TEK: variants seen among roughly 807,000 people sequenced by gnomAD.
The protein encoded by TEK is angiopoietin-1 receptor.
A neutral mutation model predicts 131.8 loss-of-function variants in TEK; 43 were observed. The ratio of observed to expected loss-of-function variants is 0.33; its 90% CI spans 0.26 to 0.42. The LOEUF (loss-of-function observed/expected upper bound fraction) is 0.42, where lower values mean the gene tolerates loss of function less well. Ranked by LOEUF, TEK falls within the 10% of genes least tolerant of loss-of-function variation. TEK has a pLI of 1.00. For missense variants in TEK, 1,162 were observed against 1,384.4 expected (o/e 0.84, Z 2.55); for synonymous variants, 580 against 491.6 (o/e 1.18, Z -2.38).
chr9:27,206,773 T>C lies in TEK; in HGVS notation c.2556T>C (p.Ala852=). Residue 852 remains alanine, a synonymous_variant, in exon 15 of 23, where the codon GCT becomes GCC. Coordinates refer to ENST00000380036, the MANE Select transcript of TEK (RefSeq NM_000459.5). ...RIKKDGLRMD[A]AIKRMKEYAS... ...AGAAGGATGGGTTACGGATGGATGCTGCCATCAAAAGAATGAAAGGTCAGT... is the reference window on the plus strand; with the variant it reads ...AGAAGGATGGGTTACGGATGGATGCCGCCATCAAAAGAATGAAAGGTCAGT... 6.2e-7 allele frequency: 1 copy of C among 1,614,040 alleles called. No individual in the cohort carries two copies. Among genetic ancestry groups the C allele is most frequent in the Non-Finnish European group, 8.5e-7 (1 of 1,179,954 alleles).
chr9:27,188,481 G>A (rs895399908), intron 9 of TEK, among the ~76,000 whole-genome samples: 7 of 152,170 alleles, frequency 4.6e-5, no homozygotes, highest in Non-Finnish European at 1.5e-5. Flanking sequence ...AATAAAATGT[G>A]CATCTGCTGG....
intron 1 of TEK, among the ~76,000 whole-genome samples, chr9:27,117,906 A>G (rs1174081739): frequency 1.3e-5 from 2 of 152,178 alleles, no homozygotes; most frequent in South Asian, 2.1e-4. Context: ...CTGGAAGACA[A>G]TGCTCGGCCA....
At chr9:27,198,852 G>A (rs1469168268) in intron 12 of TEK, among the ~76,000 whole-genome samples, 1 of 152,246 alleles carries the variant, frequency 6.6e-6, no homozygotes, top group Non-Finnish European at 1.5e-5. Flanking sequence ...AGGCTGGTGA[G>A]CAGTGGTGCC....
intron 10 of TEK, 72 bp from the exon 11 acceptor site, chr9:27,192,417 A>T: frequency 6.3e-7 from 1 of 1,593,868 alleles, no homozygotes; most frequent in South Asian, 1.1e-5. Context: ...TCACATCGCA[A>T]TAACAACAAC....
At chr9:27,153,884 G>T (rs994836609) in intron 1 of TEK, among the ~76,000 whole-genome samples, 1 of 152,150 alleles carries the variant, frequency 6.6e-6, no homozygotes, top group Admixed American at 6.5e-5. Context: ...TCGTTGTCGT[G>T]GAGCCTCTGC....
chr9:27,183,675 C>G, intron 8 of TEK, 65 bp downstream of exon 8: 1 of 1,584,564 alleles, frequency 6.3e-7, no homozygotes, highest in Non-Finnish European at 8.7e-7. Flanking sequence ...AATCACCCCA[C>G]TAAATGATAG....
intron 1 of TEK, among the ~76,000 whole-genome samples, chr9:27,122,390 G>A (rs1821825931): frequency 1.3e-5 from 2 of 152,126 alleles, no homozygotes; most frequent in Admixed American, 6.5e-5. Flanking sequence ...TGAGGAGGAG[G>A]GGCATTCTAG....
chr9:27,138,220 T>A (rs146873767), intron 1 of TEK, among the ~76,000 whole-genome samples: 1 of 152,192 alleles, frequency 6.6e-6, no homozygotes, highest in East Asian at 1.9e-4. Context: ...TTCCACAGTG[T>A]GGAAGGGGAT....
chr9:27,186,919 G>C (rs992385293), intron 9 of TEK, among the ~76,000 whole-genome samples: 2 of 152,128 alleles, frequency 1.3e-5, no homozygotes, highest in Admixed American at 1.3e-4. Context: ...AACCACCTCA[G>C]AATCCTCCTT....
rs1161845170 is a variant in TEK, at chr9:27,197,190, T to A, written c.1625-125T>A. 20 of 1,005,808 alleles carry A rather than the reference T, an allele frequency of 2.0e-5. No individual in the cohort carries two copies. The East Asian group carries it at 4.8e-4, about 24-fold the overall frequency. 62.3% of individuals were successfully genotyped at this position (1,005,808 alleles called of 1,614,324 possible). ...ATGGGAAGTCACACTCATCAACCAA[T>A]CACCTCCCACCAGGCCCCACCTCCA... On this transcript the variant is annotated intron_variant, in intron 11 of 22. Transcript: ENST00000380036.
At chr9:27,139,895 G>T (rs145293334) in intron 1 of TEK, among the ~76,000 whole-genome samples, 242 of 152,244 alleles carry the variant, frequency 1.6e-3, no homozygotes, top group African/African-American at 5.3e-3. Flanking sequence ...TGAAATAATT[G>T]TGTATGATTT....
rs1264669342 is a variant in TEK at position 27,199,502 on chromosome 9, A to G, written c.1909+1903A>G. Among the ~76,000 whole-genome samples the G allele has an allele frequency of 1.4e-4, 21 of 152,260 alleles. No homozygotes were observed. The East Asian group carries it at 3.3e-3, about 24-fold the overall frequency. On this transcript the variant is annotated intron_variant, in intron 12 of 22. Transcript: ENST00000380036. ...TTTCCTTATACCCATCTCTATGTCT[A>G]TATCCTTTCCCTATATCACTCGATA... is the stretch of plus-strand genomic sequence containing the variant.
intron 15 of TEK, among the ~76,000 whole-genome samples, chr9:27,208,680 G>A (rs946160511): frequency 6.6e-6 from 1 of 152,206 alleles, no homozygotes; most frequent in Admixed American, 6.5e-5. Flanking sequence ...TTCCTCAGTT[G>A]TCTCTGGATG....
At position 27,109,433 on chromosome 9, in the gene TEK, T is replaced by A. The variant is rs1386240169; in HGVS notation, c.-158T>A. On this transcript the variant is annotated 5_prime_UTR_variant, in exon 1 of 23. Transcript: ENST00000380036. Reference sequence around the variant, plus strand: ...CTGTGCTCAGACAGAAATGAGACTGTTACAGCCTGCTTCTGTGCTGTTCCT... The same window carrying A: ...CTGTGCTCAGACAGAAATGAGACTGATACAGCCTGCTTCTGTGCTGTTCCT... The A allele has an allele frequency of 2.6e-6, 2 of 772,674 alleles. No individual in the cohort carries two copies. The highest frequency in any genetic ancestry group is 3.5e-5 in the African/African-American group (2 of 57,848). 47.9% of individuals were successfully genotyped at this position (772,674 alleles called of 1,614,324 possible).
intron 1 of TEK, among the ~76,000 whole-genome samples, chr9:27,150,938 C>T (rs1039854882): frequency 4.6e-5 from 7 of 152,104 alleles, no homozygotes; most frequent in Non-Finnish European, 7.4e-5. Flanking sequence ...GGCTGGAAAG[C>T]AGGGATGGGA....
chr9:27,172,472 A>G lies in TEK; in HGVS notation c.629-144A>G, dbSNP rs1481057761. ...TTTACATGTCTGTCTCCCATATTAGATGATGAGCTTTTAGAGAGCAGAGCC... is the reference window on the plus strand; with the variant it reads ...TTTACATGTCTGTCTCCCATATTAGGTGATGAGCTTTTAGAGAGCAGAGCC... On this transcript the variant is annotated intron_variant, in intron 4 of 22. Coordinates refer to ENST00000380036, the MANE Select transcript of TEK (RefSeq NM_000459.5). 1.0e-5 allele frequency: 12 copies of G among 1,162,410 alleles called. No homozygotes were observed. In the South Asian group the frequency reaches 1.1e-4, roughly 10 times the overall value. 72.0% of individuals were successfully genotyped at this position (1,162,410 alleles called of 1,614,324 possible). A position where few individuals can be genotyped will look rare whatever the true frequency, so the allele number is the denominator to read the frequency against.
At position 27,146,988 on chromosome 9, in the gene TEK, C is replaced by T. The variant is rs560433937; in HGVS notation, c.53-10843C>T. ...TTGTGATCTGCCCGCCTCGGCCTCC[C>T]AAAGTGCTGGGATTACAGGCGTGAG... On this transcript the variant is annotated intron_variant, in intron 1 of 22. Coordinates refer to ENST00000380036, the MANE Select transcript of TEK (RefSeq NM_000459.5). Among the ~76,000 whole-genome samples the T allele has an allele frequency of 5.9e-5, 9 of 152,248 alleles. No individual in the cohort carries two copies. In the South Asian group the frequency reaches 1.9e-3, roughly 32 times the overall value.
intron 21 of TEK, among the ~76,000 whole-genome samples, chr9:27,223,594 A>C (rs575221065): frequency 6.6e-6 from 1 of 152,334 alleles, no homozygotes; most frequent in African/African-American, 2.4e-5. Flanking sequence ...AACATACCAG[A>C]ATCTCTGGGA....
intron 15 of TEK, among the ~76,000 whole-genome samples, chr9:27,208,202 T>A (rs566375633): frequency 6.6e-6 from 1 of 152,242 alleles, no homozygotes; most frequent in East Asian, 1.9e-4. Flanking sequence ...ATATTGACCC[T>A]CCATGAGGCT....
Sources: gnomAD v4.1 joint callset for allele counts (sites outside exome capture counted in the v4.1 genomes callset) on GRCh38, gnomAD v4.1.1 for gene constraint, MANE v1.5 for transcripts, NCBI Gene and HGNC (gene_info 2026-07-23, HGNC 2026-07-21) for gene names.